The following PIWIL2 variants were observed in gnomAD, a reference collection of about 807,000 sequenced individuals.
PIWIL2 encodes piwi like RNA-mediated gene silencing 2, also known as piwi-like protein 2.
In PIWIL2, 81 loss-of-function variants were observed where a neutral mutation model predicts 116.5. The observed-to-expected ratio is 0.70, with a 90% confidence interval of 0.58 to 0.84. PIWIL2 has a LOEUF of 0.84. Ranked by LOEUF, PIWIL2 falls within the 40% of genes least tolerant of loss-of-function variation. The pLI, the probability that PIWIL2 is intolerant of heterozygous loss-of-function variation, is 0.00. For synonymous variants in PIWIL2, 489 were observed against 429.5 expected (o/e 1.14, Z -1.71); for missense variants, 1,272 against 1,212.3 (o/e 1.05, Z -0.73).
At chr8:22,286,956 A>G (rs1029469731) in intron 6 of PIWIL2, among the ~76,000 whole-genome samples, 1 of 151,664 alleles carries the variant, frequency 6.6e-6, no homozygotes, top group Non-Finnish European at 1.5e-5. Flanking sequence ...GTGTGGTGGT[A>G]CCCTTATAGT....
chr8:22,307,377 T>G (rs947287942), intron 13 of PIWIL2, among the ~76,000 whole-genome samples: 1 of 151,912 alleles, frequency 6.6e-6, no homozygotes, highest in East Asian at 1.9e-4. Context: ...TAGGCTCTTA[T>G]AGGAATTTTA....
intron 14 of PIWIL2, among the ~76,000 whole-genome samples, chr8:22,309,716 G>T (rs899397250): frequency 1.1e-4 from 16 of 152,248 alleles, no homozygotes; most frequent in African/African-American, 3.8e-4. Flanking sequence ...TCCCTTTCTT[G>T]GGATATCATG....
At chr8:22,330,697 AAAATAAATAAATAAAT>A (rs3992768) in intron 20 of PIWIL2, among the ~76,000 whole-genome samples, 15,267 of 137,110 alleles carry the variant, frequency 0.11, 2,149 homozygotes, top group African/African-American at 0.34. Context: ...ACTCTGTCTC[AAAATAAATAAATAAAT>A]AAATAAATAA....
At chr8:22,351,040 A>T (rs1274319963) in intron 20 of PIWIL2, among the ~76,000 whole-genome samples, 3 of 152,032 alleles carry the variant, frequency 2.0e-5, no homozygotes, top group Non-Finnish European at 4.4e-5. Flanking sequence ...AGTCCCAGCT[A>T]CTTGAGAGGC....
chr8:22,327,174 G>A (rs1033744161), intron 20 of PIWIL2, among the ~76,000 whole-genome samples: 11 of 151,054 alleles, frequency 7.3e-5, no homozygotes, highest in East Asian at 1.9e-4. Flanking sequence ...GATTCCAGGT[G>A]CACGCCACCA....
At chr8:22,321,843 TAGGAATGGCAGTAACCACCGGA>T in intron 20 of PIWIL2, 1 of 984,656 alleles carries the variant, frequency 1.0e-6, no homozygotes. Context: ...TATCTTCCCC[TAGGAATGGCAGTAACCACCGGA>T]AGTTCCAACA....
chr8:22,294,926 A>AAAATT (rs1366825931), intron 10 of PIWIL2, among the ~76,000 whole-genome samples: 1 of 148,180 alleles, frequency 6.7e-6, no homozygotes, highest in Non-Finnish European at 1.5e-5. Context: ...AAAAAAAAAA[A>AAAATT]AAATTAACTG....
At chr8:22,325,369 A>G (rs1363487272) in intron 20 of PIWIL2, among the ~76,000 whole-genome samples, 9 of 151,932 alleles carry the variant, frequency 5.9e-5, no homozygotes, top group Admixed American at 5.9e-4. Flanking sequence ...GATGTTTCAG[A>G]TGCCCATTCT....
intron 20 of PIWIL2, among the ~76,000 whole-genome samples, chr8:22,334,466 G>A (rs1831933793): frequency 6.7e-6 from 1 of 150,052 alleles, no homozygotes; most frequent in Non-Finnish European, 1.5e-5. Context: ...AGGTTGCAGT[G>A]AGCCAAGATC....
intron 7 of PIWIL2, 73 bp downstream of exon 7, chr8:22,287,718 T>G: frequency 2.1e-6 from 2 of 959,686 alleles, no homozygotes; most frequent in Non-Finnish European, 3.4e-6. Context: ...TGGTTTTGCT[T>G]TTAAGAGATT....
chr8:22,308,784 A>C lies in PIWIL2; in HGVS notation c.1686+711A>C, dbSNP rs539086404. On this transcript the variant is annotated intron_variant, in intron 14 of 22. Transcript: ENST00000356766. ...CTGTCTCAGCCTCCCGAATAGTTGG[A>C]ATTACAGGCGCACACCACCATGCCT... Among the ~76,000 whole-genome samples, 28 of 152,152 alleles carry C rather than the reference A, an allele frequency of 1.8e-4. 1 individual carries two copies. The South Asian group carries it at 5.6e-3, about 30-fold the overall frequency.
At chr8:22,338,802 A>G (rs747866534) in intron 20 of PIWIL2, among the ~76,000 whole-genome samples, 5 of 152,262 alleles carry the variant, frequency 3.3e-5, no homozygotes, top group African/African-American at 4.8e-5. Flanking sequence ...AAATGTAACA[A>G]GATCCATTGC....
intron 11 of PIWIL2, among the ~76,000 whole-genome samples, 156 bp from the exon 12 acceptor site, chr8:22,304,628 C>T (rs1586559519): frequency 6.6e-6 from 1 of 152,036 alleles, no homozygotes; most frequent in African/African-American, 2.4e-5. Context: ...CTGCTTTTTC[C>T]TGTTATAAAT....
At chr8:22,318,078 G>GCCTGTGTTACTGACAT in intron 19 of PIWIL2, 92 bp from the exon 20 acceptor site, 1 of 728,136 alleles carries the variant, frequency 1.4e-6, no homozygotes, top group Non-Finnish European at 2.4e-6. Flanking sequence ...GATTGGTAGA[G>GCCTGTGTTACTGACAT]AAACCTGTGT....
At chr8:22,284,331 C>G (rs994187835) in intron 6 of PIWIL2, 59 bp downstream of exon 6, 30 of 843,052 alleles carry the variant, frequency 3.6e-5, no homozygotes, top group Non-Finnish European at 5.6e-5. Context: ...AAAAATAGTT[C>G]CCCTGGAATA....
intron 19 of PIWIL2, among the ~76,000 whole-genome samples, chr8:22,317,953 G>A (rs943046785): frequency 7.2e-5 from 11 of 151,740 alleles, no homozygotes; most frequent in African/African-American, 2.4e-4. Context: ...GAGCCACCGC[G>A]CTCTGCCACA....
intron 13 of PIWIL2, 118 bp from the exon 14 acceptor site, chr8:22,307,815 T>G: frequency 1.4e-6 from 1 of 716,774 alleles, no homozygotes; most frequent in Middle Eastern, 4.2e-4. Flanking sequence ...TTGAAGATGT[T>G]TGAAAATTTC....
intron 20 of PIWIL2, among the ~76,000 whole-genome samples, chr8:22,337,615 G>T (rs1257538283): frequency 1.3e-5 from 2 of 149,314 alleles, no homozygotes; most frequent in Non-Finnish European, 3.0e-5. Flanking sequence ...CCTGTAATCC[G>T]AGGTACTTGG....
rs555578837 is a variant in PIWIL2, at chr8:22,280,729, T to C, written c.199-391T>C. Among the ~76,000 whole-genome samples, 3 of 152,342 alleles carry C rather than the reference T, an allele frequency of 2.0e-5. No homozygotes were observed. The East Asian group carries it at 5.8e-4, about 29-fold the overall frequency. The stretch of plus-strand genomic sequence containing the variant: ...TGAAATGTATTAACCAGTACACTTG[T>C]TCTCTCTTGCCTTGAATATGCAGAA... On this transcript the variant is annotated intron_variant, in intron 2 of 22. Coordinates refer to ENST00000356766, the MANE Select transcript of PIWIL2 (RefSeq NM_018068.5).
Sources: gnomAD v4.1 joint callset for allele counts (sites outside exome capture counted in the v4.1 genomes callset) on GRCh38, gnomAD v4.1.1 for gene constraint, MANE v1.5 for transcripts, NCBI Gene and HGNC (gene_info 2026-07-23, HGNC 2026-07-21) for gene names.